Variants in AZU1 observed in about 807,000 individuals in gnomAD.
AZU1 encodes the protein azurocidin 1.
In AZU1, 21 loss-of-function variants were observed where a neutral mutation model predicts 17.8. The observed-to-expected ratio is 1.18, with a 90% CI of 0.84 to 1.70. The LOEUF (loss-of-function observed/expected upper bound fraction) is 1.70. Among genes scored for constraint, AZU1 ranks in the 40% most tolerant of loss-of-function variants. The probability of loss-of-function intolerance (pLI) is 0.00; values close to 1 mark genes in which losing one functional copy is unlikely to be tolerated. For missense variants in AZU1, 379 were observed against 362.9 expected (o/e 1.04, Z -0.36); for synonymous variants, 178 against 155.2 (o/e 1.15, Z -1.09).
Position 830,947 on chromosome 19 carries a change from T to A in AZU1, c.594+6T>A. 3 of 1,599,090 alleles carry A rather than the reference T, an allele frequency of 1.9e-6. No individual in the cohort carries two copies. ...GCCGCGGTGGCATCTGCAATGTGAG[T>A]GCTCCCTGTGGCGGGAGGAGGGGTC... On this transcript the variant is annotated splice_donor_region_variant and intron_variant, in intron 4 of 4. Transcript: ENST00000233997.
chr19:830,675 G>A (rs1230956686), intron 3 of AZU1, 33 bp from the exon 4 acceptor site: 21 of 1,518,612 alleles, frequency 1.4e-5, no homozygotes, highest in Non-Finnish European at 1.9e-5. Context: ...AGTCCCCAGG[G>A]CCACCCTCCC....
Position 832,003 on chromosome 19 carries a change from C to T in AZU1, c.*126C>T, listed in dbSNP as rs564052675. 1.7e-6 allele frequency: 2 copies of T among 1,195,204 alleles called. No individual in the cohort carries two copies. The highest frequency in any genetic ancestry group is 2.3e-6 in the Non-Finnish European group (2 of 867,252). 74.0% of individuals were successfully genotyped at this position (1,195,204 alleles called of 1,614,324 possible). A position where few individuals can be genotyped will look rare whatever the true frequency, so the allele number is the denominator to read the frequency against. ...AGGGGCCCTGGCTGTAATAAAGAAG[C>T]CGATCTCTCCTCTGCTCCTGGTTTC... On this transcript the variant is annotated 3_prime_UTR_variant, in exon 5 of 5. Coordinates refer to ENST00000233997, the MANE Select transcript of AZU1 (RefSeq NM_001700.5).
At chr19:829,827 A>C in intron 3 of AZU1, 121 bp downstream of exon 3, 1 of 1,348,972 alleles carries the variant, frequency 7.4e-7, no homozygotes, top group Non-Finnish European at 1.0e-6. Flanking sequence ...GGTGGCGCGC[A>C]CCTGTGGCCC....
chr19:830,293 T>G (rs1193979769), intron 3 of AZU1, among the ~76,000 whole-genome samples: 2 of 152,050 alleles, frequency 1.3e-5, no homozygotes, highest in African/African-American at 4.8e-5. Context: ...CAGCAACACA[T>G]ACAGATGTAC....
chr19:831,277 T>A, intron 4 of AZU1: 1 of 333,668 alleles, frequency 3.0e-6, no homozygotes, highest in Non-Finnish European at 5.5e-6. Flanking sequence ...ACAGGGTTTC[T>A]CCATGTGGGT....
chr19:831,683 T>C (rs1290359255), intron 4 of AZU1, 33 bp from the exon 5 acceptor site: 2 of 1,555,458 alleles, frequency 1.3e-6, no homozygotes, highest in Non-Finnish European at 1.7e-6. Context: ...AGCCAGGCCC[T>C]GGGACGCCCT....
rs562879859 is a variant in AZU1 at position 831,486 on chromosome 19, C to T, written c.595-230C>T. 4.6e-5 allele frequency: 25 copies of T among 540,822 alleles called. No homozygotes were observed. The South Asian group carries it at 5.9e-4, about 13-fold the overall frequency. The allele number at this position is 540,822 out of a possible 1,614,324, so 33.5% of individuals were successfully genotyped here. A position where few individuals can be genotyped will look rare whatever the true frequency, so the allele number is the denominator to read the frequency against. ...ACTGAGGGACTCAGGCGTGTGATTG[C>T]CAGGGGAGGGGCACCTGGCCCAGCC... On this transcript the variant is annotated intron_variant, in intron 4 of 4. Coordinates refer to ENST00000233997, the MANE Select transcript of AZU1 (RefSeq NM_001700.5).
intron 1 of AZU1, 151 bp from the exon 2 acceptor site, chr19:828,079 C>T (rs2035236665): frequency 7.6e-7 from 1 of 1,317,056 alleles, no homozygotes; most frequent in Admixed American, 2.1e-5. Flanking sequence ...GACTCAGGGG[C>T]CCCCTGTCCT....
At position 829,769 on chromosome 19, in the gene AZU1, A is replaced by C. The variant is rs1221015406; in HGVS notation, c.360+63A>C. ...GGAGGCCGACGTTAGCCAGGGAAAC[A>C]AGTCCAAACTTGGTCTCTACAAAAA... On this transcript the variant is annotated intron_variant, in intron 3 of 4. Transcript: ENST00000233997. 4.0e-5 allele frequency: 63 copies of C among 1,581,224 alleles called. 1 individual carries two copies. Among genetic ancestry groups the C allele is most frequent in the Non-Finnish European group, 1.4e-5 (16 of 1,158,790 alleles).
At chr19:828,465 G>T in intron 2 of AZU1, 79 bp downstream of exon 2, 1 of 1,379,030 alleles carries the variant, frequency 7.3e-7, no homozygotes, top group East Asian at 2.6e-5. Context: ...ATTCAGTGGG[G>T]GTGCTTGGTA....
At position 831,776 on chromosome 19, in the gene AZU1, C is replaced by T. The variant is rs149335820; in HGVS notation, c.655C>T (p.Leu219=). The T allele has an allele frequency of 1.9e-6, 3 of 1,612,776 alleles. No individual in the cohort carries two copies. Among genetic ancestry groups the T allele is most frequent in the East Asian group, 2.2e-5 (1 of 44,874 alleles). The part of the protein sequence containing the change: ...GLAHGVASFS[L]GPCGRGPDFF... ...GGCCCACGGCGTGGCCTCCTTTTCC[C>T]TGGGGCCCTGTGGCCGAGGCCCTGA... Residue 219 remains leucine, a synonymous_variant, in exon 5 of 5, where the codon CTG becomes TTG. Transcript: ENST00000233997.
chr19:830,187 G>C (rs1352020791), intron 3 of AZU1, among the ~76,000 whole-genome samples: 4 of 152,050 alleles, frequency 2.6e-5, no homozygotes, highest in African/African-American at 9.7e-5. Flanking sequence ...TTGAACCCGG[G>C]AGGCGGAGCT....
At position 827,903 on chromosome 19, in the gene AZU1, C is replaced by T. The variant is rs375208692; in HGVS notation, c.57C>T (p.Ala19=). Residue 19 remains alanine, a splice_region_variant and synonymous_variant, in exon 1 of 5, where the codon GCC becomes GCT. Transcript: ENST00000233997. ...LLAGLLASSR[A]GSSPLLDIVG... is the part of the protein sequence containing the mutation. ...CTGGTCTGCTGGCGTCCTCGAGGGC[C>T]GGTGAGTGCCTCTCTGTGCCGGTGG... 81 of 1,537,020 alleles carry T rather than the reference C, an allele frequency of 5.3e-5. No homozygotes were observed. Among genetic ancestry groups the T allele is most frequent in the Non-Finnish European group, 5.9e-5 (68 of 1,147,256 alleles).
In AZU1 at chr19:830,347, G is replaced by A. The variant is rs112605458; in HGVS notation, c.361-361G>A. Reference sequence around the variant, plus strand: ...CCTCCTGTTGGTGGAGACTGACGTCGTTTTCAAATGCTTTTGCTATGACAG... The same window carrying A: ...CCTCCTGTTGGTGGAGACTGACGTCATTTTCAAATGCTTTTGCTATGACAG... On this transcript the variant is annotated intron_variant, in intron 3 of 4. Transcript: ENST00000233997. Among the ~76,000 whole-genome samples the A allele has an allele frequency of 8.3e-3, 1,270 of 152,234 alleles. 18 individuals carry two copies. Among genetic ancestry groups the A allele is most frequent in the African/African-American group, 0.029 (1,209 of 41,532 alleles).
At chr19:829,309 A>AGATAGAGGAGGCGCAGAGAAGGGAAGGGG (rs2035256528) in intron 2 of AZU1, among the ~76,000 whole-genome samples, 1 of 51,438 alleles carries the variant, frequency 1.9e-5, no homozygotes, top group African/African-American at 8.7e-5. Flanking sequence ...AAGGGAAGGG[A>AGATAGAGGAGGCGCAGAGAAGGGAAGGGG]CTCAGATGGA....
At chr19:829,434 G>A (rs1018922824) in intron 2 of AZU1, 128 bp from the exon 3 acceptor site, 57 of 1,295,996 alleles carry the variant, frequency 4.4e-5, no homozygotes, top group African/African-American at 3.0e-4. Flanking sequence ...CTGTAAAAGC[G>A]GGGGAGTTTT....
rs757429833 is a variant in AZU1, at chr19:830,900, G to A, written c.553G>A (p.Val185Met). 1.1e-5 allele frequency: 17 copies of A among 1,604,014 alleles called. No homozygotes were observed. The highest frequency in any genetic ancestry group is 4.0e-5 in the African/African-American group (3 of 74,898). The change falls in exon 4 of 5, where the codon GTG becomes ATG. Residue 185 changes from valine to methionine, a missense_variant. By Grantham distance (21) the Val-to-Met change is conservative. Transcript: ENST00000233997. The stretch of plus-strand genomic sequence containing the variant: ...CGAGGACCAGTGTCGCCCCAACAAC[G>A]TGTGCACCGGTGTGCTCACCCGCCG... ...TPEDQCRPNN[V>M]CTGVLTRRGG...
chr19:829,936 A>ATGTGTGTGTGTGTGTGTGTGTGTG (rs59995493), intron 3 of AZU1, among the ~76,000 whole-genome samples: 15 of 137,864 alleles, frequency 1.1e-4, no homozygotes, highest in African/African-American at 2.5e-4. Context: ...AAAAATATAT[A>ATGTGTGTGTGTGTGTGTGTGTGTG]TGTGTGTGTG....
At chr19:828,041 G>C in intron 1 of AZU1, 137 bp downstream of exon 1, 3 of 1,397,628 alleles carry the variant, frequency 2.1e-6, no homozygotes, top group Non-Finnish European at 2.9e-6. Flanking sequence ...ACGATCCCGC[G>C]AAAGGCGTGA....
Sources: gnomAD v4.1 joint callset for allele counts (sites outside exome capture counted in the v4.1 genomes callset) on GRCh38, gnomAD v4.1.1 for gene constraint, MANE v1.5 for transcripts, NCBI Gene and HGNC (gene_info 2026-07-23, HGNC 2026-07-21) for gene names.